The following RBBP6 variants were observed in gnomAD, a reference collection of about 807,000 sequenced individuals.
RBBP6 encodes RB binding protein 6, ubiquitin ligase.
Under a neutral mutation model 167.7 loss-of-function variants are expected in RBBP6, and 25 were observed. The ratio of observed to expected loss-of-function variants is 0.15; its 90% CI spans 0.11 to 0.21. RBBP6 has a LOEUF of 0.21. Among genes scored for constraint, RBBP6 ranks in the 10% least tolerant of loss-of-function variants. The pLI is 1.00. For synonymous variants in RBBP6, 789 were observed against 735.8 expected, an observed-to-expected ratio of 1.07 and a Z score of -1.17; for missense variants, 1,868 against 2,134.2, an observed-to-expected ratio of 0.88 and a Z score of 2.46.
At chr16:24,546,559 A>G (rs943183686) in intron 2 of RBBP6, among the ~76,000 whole-genome samples, 2 of 152,162 alleles carry the variant, frequency 1.3e-5, no homozygotes, top group Admixed American at 1.3e-4. Flanking sequence ...TTCTTTGACT[A>G]CTTTTTTTTG....
intron 3 of RBBP6, among the ~76,000 whole-genome samples, chr16:24,549,572 C>T (rs1443371563): frequency 6.6e-6 from 1 of 151,968 alleles, no homozygotes; most frequent in Non-Finnish European, 1.5e-5. Flanking sequence ...ACCATTGATG[C>T]AGCTTTATTA....
rs1410705984 is a variant in RBBP6 at position 24,571,447 on chromosome 16, G to A, written c.4381G>A (p.Ala1461Thr). 2 of 1,612,892 alleles carry A rather than the reference G, an allele frequency of 1.2e-6. No homozygotes were observed. Among genetic ancestry groups the A allele is most frequent in the East Asian group, 4.5e-5 (2 of 44,868 alleles). ...GTCAGATAAACATGATTCCACTCGT[G>A]CTTCCTCAAATAAAGACTTCACTCC... ...RTSDKHDSTR[A>T]SSNKDFTPNR... is the part of the protein sequence containing the mutation. The change falls in exon 18 of 18, where the codon GCT becomes ACT. Residue 1461 changes from alanine to threonine, a missense_variant. Physicochemically the swap from Ala to Thr is moderately conservative, Grantham distance 58. Around this residue, in one of 7 missense-constraint regions of RBBP6, gnomAD observed 591 missense variants for 540.5 expected, o/e 1.09. Coordinates refer to ENST00000319715, the MANE Select transcript of RBBP6 (RefSeq NM_006910.5).
intron 8 of RBBP6, 90 bp from the exon 9 acceptor site, chr16:24,561,522 T>C (rs1596508650): frequency 1.8e-6 from 2 of 1,096,056 alleles, no homozygotes; most frequent in East Asian, 2.4e-5. Context: ...GTAATGTAAC[T>C]GAACAAATGT....
intron 7 of RBBP6, chr16:24,558,636 G>GT (rs1898975116): frequency 1.9e-6 from 1 of 517,388 alleles, no homozygotes; most frequent in Non-Finnish European, 2.5e-6. Flanking sequence ...GGATTCCTGT[G>GT]TTTTGCAAAT....
At chr16:24,558,843 A>G (rs1395949766) in intron 7 of RBBP6, among the ~76,000 whole-genome samples, 3 of 152,222 alleles carry the variant, frequency 2.0e-5, no homozygotes, top group South Asian at 2.1e-4. Context: ...TAAGTCACTA[A>G]TGCTTCTTAA....
chr16:24,550,406 T>A (rs892081723), intron 3 of RBBP6, among the ~76,000 whole-genome samples: 3 of 150,778 alleles, frequency 2.0e-5, no homozygotes, highest in Admixed American at 6.6e-5. Context: ...GTAAAAACTG[T>A]CCAAGCTTAT....
rs764153305 is a variant in RBBP6, at chr16:24,568,847, C to A, written c.2157C>A (p.Phe719Leu). Reference protein sequence around the residue: ...STRSRSYSRSFSRSHSRSYSR... With the variant: ...STRSRSYSRSLSRSHSRSYSR... Reference sequence around the variant, plus strand: ...GTTCACGCTCTTATTCTCGATCATTCAGCCGCTCACATTCTCGTTCCTATT... The same window carrying A: ...GTTCACGCTCTTATTCTCGATCATTAAGCCGCTCACATTCTCGTTCCTATT... Residue 719 changes from phenylalanine (F) to leucine (L), a missense_variant, in exon 17 of 18, where the codon TTC becomes TTA. Coordinates refer to ENST00000319715, the MANE Select transcript of RBBP6 (RefSeq NM_006910.5). The A allele has an allele frequency of 6.2e-7, 1 of 1,614,218 alleles. No homozygotes were observed. Among genetic ancestry groups the A allele is most frequent in the South Asian group, 1.1e-5 (1 of 91,086 alleles).
Position 24,559,752 on chromosome 16 carries a change from CAT to C in RBBP6, c.847+78_847+79del, listed in dbSNP as rs1165296954. The stretch of plus-strand genomic sequence containing the variant: ...TACTTGGAATGGCTCTTCCCAACCT[CAT>C]ATGTTTTAATAATAAAATAAATAAT... On this transcript the variant is annotated intron_variant, in intron 8 of 17. Transcript: ENST00000319715. The C allele has an allele frequency of 3.2e-6, 4 of 1,253,484 alleles. No individual in the cohort carries two copies. In the African/African-American group the frequency reaches 6.2e-5, roughly 19 times the overall value. The allele number at this position is 1,253,484 out of a possible 1,614,324, so 77.6% of individuals were successfully genotyped here.
rs370848322 is a variant in RBBP6, at chr16:24,568,891, C to T, written c.2201C>T (p.Pro734Leu). ...TCCTATTCACGGTCACCTCCATACC[C>T]CAGAAGAGGCAGAGGCAAGAGCCGC... The part of the protein sequence containing the change: ...SRSYSRSPPY[P>L]RRGRGKSRNY... Residue 734 changes from proline (P) to leucine (L), a missense_variant, in exon 17 of 18, where the codon CCC (proline) becomes CTC (leucine). By Grantham distance (98) the Pro-to-Leu change is moderately conservative. Transcript: ENST00000319715. 9 of 1,614,100 alleles carry T rather than the reference C, an allele frequency of 5.6e-6. No homozygotes were observed. In the African/African-American group the frequency reaches 1.2e-4, roughly 22 times the overall value.
At position 24,555,912 on chromosome 16, in the gene RBBP6, A is replaced by C. The variant is rs760948708; in HGVS notation, c.529A>C (p.Asn177His). 4 of 1,583,990 alleles carry C rather than the reference A, an allele frequency of 2.5e-6. No individual in the cohort carries two copies. The highest frequency in any genetic ancestry group is 3.5e-6 in the Non-Finnish European group (4 of 1,152,708). The change falls in exon 6 of 18, where the codon AAT (asparagine) becomes CAT (histidine). Residue 177 changes from asparagine (N) to histidine (H), a missense_variant. This residue lies in a region of RBBP6 where 184 missense variants were observed against 327.7 expected (regional missense o/e 0.56). Transcript: ENST00000319715. The stretch of plus-strand genomic sequence containing the variant: ...ACATTATATTAAGAATTGCCCAACA[A>C]ATGGGGTAAGTTCAAAGCAGAAACT... Reference protein sequence around the residue: ...PGHYIKNCPTNGDKNFESGPR... With the variant: ...PGHYIKNCPTHGDKNFESGPR...
At chr16:24,551,480 T>G (rs748303372) in intron 3 of RBBP6, among the ~76,000 whole-genome samples, 1 of 151,868 alleles carries the variant, frequency 6.6e-6, no homozygotes, top group African/African-American at 2.4e-5. Flanking sequence ...TTGACTTCTT[T>G]GTGGACTATA....
At position 24,572,516 on chromosome 16, in the gene RBBP6, T is replaced by G; in HGVS notation, c.*71T>G. 6 of 1,450,812 alleles carry G rather than the reference T, an allele frequency of 4.1e-6. No individual in the cohort carries two copies. The highest frequency in any genetic ancestry group is 2.4e-4 in the Middle Eastern group (1 of 4,172). 89.9% of individuals were successfully genotyped at this position (1,450,812 alleles called of 1,614,324 possible). On this transcript the variant is annotated 3_prime_UTR_variant, in exon 18 of 18. Transcript: ENST00000319715. ...TAAATTTTGTTATAATGTAAAGAGA[T>G]TCAAGCCTTGTAAATAATGACATGG...
Position 24,563,277 on chromosome 16 carries a change from C to T in RBBP6, c.1368C>T (p.Thr456=), listed in dbSNP as rs761834743. Residue 456 remains threonine, a synonymous_variant, in exon 11 of 18, where the codon ACC becomes ACT. Transcript: ENST00000319715. ...HSKGTSSIAI[T]ALMEEKGYQV... is the part of the protein sequence containing the mutation. ...AGGGAACCTCCTCAATTGCAATTAC[C>T]GCTCTTATGGAAGAGAAGGTAAATT... is the stretch of plus-strand genomic sequence containing the variant. The T allele has an allele frequency of 2.4e-5, 39 of 1,609,878 alleles. No homozygotes were observed. Among genetic ancestry groups the T allele is most frequent in the East Asian group, 2.0e-4 (9 of 44,760 alleles).
chr16:24,567,965 A>G (rs1248684640), intron 16 of RBBP6, 72 bp downstream of exon 16: 2 of 1,268,600 alleles, frequency 1.6e-6, no homozygotes, highest in Non-Finnish European at 2.3e-6. Flanking sequence ...AGCTATGGAT[A>G]TAAAGAACAT....
At chr16:24,570,766 T>G in intron 17 of RBBP6, 110 bp from the exon 18 acceptor site, 1 of 1,026,534 alleles carries the variant, frequency 9.7e-7, no homozygotes, top group East Asian at 2.9e-5. Context: ...TTTGTTTTTT[T>G]TAATGTTAAA....
In RBBP6 at chr16:24,563,574, T is replaced by C. The variant is rs901866249; in HGVS notation, c.1466-36T>C. 3 of 1,611,888 alleles carry C rather than the reference T, an allele frequency of 1.9e-6. No individual in the cohort carries two copies. The African/African-American group carries it at 4.0e-5, about 22-fold the overall frequency. On this transcript the variant is annotated intron_variant, in intron 12 of 17. Coordinates refer to ENST00000319715, the MANE Select transcript of RBBP6 (RefSeq NM_006910.5). Reference sequence around the variant, plus strand: ...TTTTAGCTTGATTTAATGTGCAATTTTGTATTTACCTACTGCTTTTATTTT... The same window carrying C: ...TTTTAGCTTGATTTAATGTGCAATTCTGTATTTACCTACTGCTTTTATTTT...
At chr16:24,560,664 A>C (rs140086000) in intron 8 of RBBP6, among the ~76,000 whole-genome samples, 2 of 152,350 alleles carry the variant, frequency 1.3e-5, no homozygotes, top group African/African-American at 4.8e-5. Context: ...ATTTGGGGGC[A>C]AGAAAACAGT....
intron 4 of RBBP6, 126 bp from the exon 5 acceptor site, chr16:24,555,489 G>A: frequency 1.4e-6 from 1 of 736,798 alleles, no homozygotes; most frequent in Non-Finnish European, 2.3e-6. Context: ...GGTTATACGT[G>A]TAAATAGCTG....
At chr16:24,546,297 A>AT in intron 2 of RBBP6, 35 bp downstream of exon 2, 1 of 1,493,754 alleles carries the variant, frequency 6.7e-7, no homozygotes, top group Non-Finnish European at 8.8e-7. Flanking sequence ...CTCAAAATAG[A>AT]CTTTTTTTAG....
Sources: gnomAD v4.1 joint callset for allele counts (sites outside exome capture counted in the v4.1 genomes callset) on GRCh38, gnomAD v4.1.1 for gene constraint, gnomAD v4.1.1 regional missense constraint, MANE v1.5 for transcripts, NCBI Gene and HGNC (gene_info 2026-07-23, HGNC 2026-07-21) for gene names.